HSPG2: variants seen among roughly 807,000 people sequenced by gnomAD.
The protein encoded by HSPG2 is basement membrane-specific heparan sulfate proteoglycan core protein.
A neutral mutation model predicts 526.6 loss-of-function variants in HSPG2; 278 were observed. That is an observed-to-expected ratio of 0.53 (90% CI 0.48 to 0.58). HSPG2 has a LOEUF of 0.58. HSPG2 is among the 20% of genes least tolerant of loss of function. The pLI is 0.00. For synonymous variants in HSPG2, 2,465 were observed against 2,555.4 expected, an observed-to-expected ratio of 0.96 and a Z score of 1.07; for missense variants, 5,354 against 6,099.5, an observed-to-expected ratio of 0.88 and a Z score of 4.07.
In HSPG2 at chr1:21,824,012, G is replaced by T. The variant is rs961812657; in HGVS notation, c.12899+109C>A. On this transcript the variant is annotated intron_variant, in intron 95 of 96. Transcript: ENST00000374695. The surrounding 1 kb of genome is among the most constrained non-coding windows in gnomAD (Gnocchi z 5.9). Reference sequence around the variant, plus strand: ...GGGTTCTCCCCTCCCCTGGCTTCAAGTTCTGTCTCCACAGAGCTCAATACC... The same window carrying T: ...GGGTTCTCCCCTCCCCTGGCTTCAATTTCTGTCTCCACAGAGCTCAATACC... 14 of 1,134,468 alleles carry T rather than the reference G, an allele frequency of 1.2e-5. No individual in the cohort carries two copies. The highest frequency in any genetic ancestry group is 1.8e-5 in the Non-Finnish European group (14 of 770,440). The allele number at this position is 1,134,468 out of a possible 1,614,324, so 70.3% of individuals were successfully genotyped here.
In HSPG2 at chr1:21,848,967, C is replaced by T. The variant is rs62642517; in HGVS notation, c.7511G>A (p.Arg2504His). ...TPADSGEYVC[R>H]VVGSSGTQEA... ...CTGGGTACCTGAGCTGCCGACCACA[C>T]GGCACACGTACTCCCCTGAATCAGC... Residue 2504 changes from arginine (R) to histidine (H), a missense_variant, in exon 58 of 97, where the codon CGT becomes CAT. Physicochemically the swap from Arg to His is conservative, Grantham distance 29. Coordinates refer to ENST00000374695, the MANE Select transcript of HSPG2 (RefSeq NM_005529.7). This position sits in a 1 kb window ranked among gnomAD's most constrained non-coding sequence, Gnocchi z 4.9. 5.9e-4 allele frequency: 953 copies of T among 1,614,010 alleles called. 5 individuals carry two copies. In the African/African-American group the frequency reaches 8.6e-3, roughly 15 times the overall value.
intron 1 of HSPG2, among the ~76,000 whole-genome samples, chr1:21,921,053 T>TA (rs1644025436): frequency 6.6e-6 from 1 of 152,194 alleles, no homozygotes; most frequent in Non-Finnish European, 1.5e-5. Context: ...ATAACAGTAA[T>TA]ATAACAATTG....
rs1444575056 is a variant in HSPG2 at position 21,895,680 on chromosome 1, CTGCCCAGTGCCCTGATACCTG to C, written c.244+221_244+241del. ...AGTCCCCAGCAGAACTGGGCTTTAC[CTGCCCAGTGCCCTGATACCTG>C]TGCCTGTGGCATGGGCAAGCACAGG... On this transcript the variant is annotated intron_variant, in intron 3 of 96. Transcript: ENST00000374695. The surrounding 1 kb of genome is among the most constrained non-coding windows in gnomAD (Gnocchi z 4.1). 6.6e-6 allele frequency among the ~76,000 whole-genome samples: 1 copy of C among 152,222 alleles called. No homozygotes were observed.
intron 1 of HSPG2, among the ~76,000 whole-genome samples, chr1:21,923,373 C>T (rs12082009): frequency 0.012 from 1,866 of 152,042 alleles, 35 homozygotes; most frequent in African/African-American, 0.039. Flanking sequence ...GCCATTGCAC[C>T]CCAGCCTGGG....
At chr1:21,926,821 A>G (rs905187256) in intron 1 of HSPG2, among the ~76,000 whole-genome samples, 3 of 150,092 alleles carry the variant, frequency 2.0e-5, no homozygotes, top group Admixed American at 6.6e-5. Context: ...AGAGGCCACT[A>G]GGGCTGGGAT....
chr1:21,859,532 G>T lies in HSPG2; in HGVS notation c.5293+34C>A. 6.7e-7 allele frequency: 1 copy of T among 1,487,386 alleles called. No individual in the cohort carries two copies. The highest frequency in any genetic ancestry group is 1.2e-5 in the South Asian group (1 of 83,068). 92.1% of individuals were successfully genotyped at this position (1,487,386 alleles called of 1,614,324 possible). ...GCAGCCTGCAGCCCAGCCCAGGACA[G>T]GCAGTCTTGGTTACAGGGGGCGTAG... On this transcript the variant is annotated intron_variant, in intron 42 of 96. Transcript: ENST00000374695. The surrounding 1 kb of genome is among the most constrained non-coding windows in gnomAD (Gnocchi z 5.3).
intron 33 of HSPG2, among the ~76,000 whole-genome samples, chr1:21,867,303 C>T (rs1397526178): frequency 6.6e-6 from 1 of 151,892 alleles, no homozygotes; most frequent in African/African-American, 2.4e-5. Flanking sequence ...TTAAGCTGGT[C>T]TCAACTCCTG....
rs1355663173 is a variant in HSPG2, at chr1:21,832,403, A to G, written c.11207+92T>C. On this transcript the variant is annotated intron_variant, in intron 81 of 96. Transcript: ENST00000374695. ...CGGCCACATTTTCTCCTTCCTCCAG[A>G]TCTCCTTTGTATAATGGAGCCCAGG... The G allele has an allele frequency of 2.9e-6, 3 of 1,040,400 alleles. No individual in the cohort carries two copies. In the African/African-American group the frequency reaches 4.7e-5, roughly 16 times the overall value. The allele number at this position is 1,040,400 out of a possible 1,614,324, so 64.4% of individuals were successfully genotyped here. A position where few individuals can be genotyped will look rare whatever the true frequency, so the allele number is the denominator to read the frequency against.
In HSPG2 at chr1:21,870,732, A is replaced by G. The variant is rs1019625774; in HGVS notation, c.4221+1454T>C. The G allele has an allele frequency of 1.4e-5, 9 of 658,592 alleles. No homozygotes were observed. In the Admixed American group the frequency reaches 3.8e-4, roughly 28 times the overall value. The allele number at this position is 658,592 out of a possible 1,614,324, so 40.8% of individuals were successfully genotyped here. On this transcript the variant is annotated intron_variant, in intron 33 of 96. Transcript: ENST00000374695. ...CCGCCTGGATTCATGCAGACCCCCA[A>G]TGCCTTGGGCACTGCGCATCTCCCC...
chr1:21,926,777 AAAAAAAAAAAAG>A (rs1239157554), intron 1 of HSPG2, among the ~76,000 whole-genome samples: 4 of 146,738 alleles, frequency 2.7e-5, no homozygotes, highest in South Asian at 2.1e-4. Flanking sequence ...AAAAAAAAAA[AAAAAAAAAAAAG>A]AGAGAAAGAA....
At chr1:21,896,759 G>A (rs1210605899) in intron 1 of HSPG2, among the ~76,000 whole-genome samples, 2 of 152,104 alleles carry the variant, frequency 1.3e-5, no homozygotes, top group Non-Finnish European at 2.9e-5. Flanking sequence ...GAAGTCAAGG[G>A]CGAGCTGCTC....
At chr1:21,908,722 C>T (rs1643510551) in intron 1 of HSPG2, 3 of 506,370 alleles carry the variant, frequency 5.9e-6, no homozygotes, top group African/African-American at 5.9e-5. Context: ...GACCCCAAAG[C>T]TTCCTCTGGT....
intron 53 of HSPG2, 30 bp downstream of exon 53, chr1:21,852,052 TCCATGG>T: frequency 6.2e-7 from 1 of 1,612,262 alleles, no homozygotes; most frequent in East Asian, 2.2e-5. Context: ...CAACCCACTG[TCCATGG>T]CCCCGTCCCA....
chr1:21,925,141 C>A (rs1485371672), intron 1 of HSPG2, among the ~76,000 whole-genome samples: 1 of 152,232 alleles, frequency 6.6e-6, no homozygotes, highest in Non-Finnish European at 1.5e-5. Context: ...AGCTACTTCT[C>A]ATCTGGGAAA....
chr1:21,843,690 A>G (rs1349752932), intron 65 of HSPG2, among the ~76,000 whole-genome samples: 1 of 151,950 alleles, frequency 6.6e-6, no homozygotes, highest in African/African-American at 2.4e-5. Context: ...TCTGTCATCC[A>G]GGCTGGAGTG....
Position 21,884,594 on chromosome 1 carries a change from A to G in HSPG2, c.1588T>C (p.Cys530Arg). 1 of 1,610,664 alleles carries G rather than the reference A, an allele frequency of 6.2e-7. No homozygotes were observed. The highest frequency in any genetic ancestry group is 8.5e-7 in the Non-Finnish European group (1 of 1,179,762). ...TCCCGGAAGCGGCGGGTGCTCTGGC[A>G]CACGCTGGTGATGCCAAAGCAGAAG... ...PCFCFGITSV[C>R]QSTRRFRDQI... The change falls in exon 13 of 97, where the codon TGC (cysteine) becomes CGC (arginine). Residue 530 changes from cysteine (C) to arginine (R), a missense_variant. By Grantham distance (180) the Cys-to-Arg change is radical. Coordinates refer to ENST00000374695, the MANE Select transcript of HSPG2 (RefSeq NM_005529.7).
intron 1 of HSPG2, among the ~76,000 whole-genome samples, chr1:21,908,887 A>G (rs1435943598): frequency 6.6e-6 from 1 of 152,226 alleles, no homozygotes; most frequent in Admixed American, 6.5e-5. Flanking sequence ...GCACTTTGGG[A>G]CTGGTGGTCA....
intron 45 of HSPG2, 56 bp from the exon 46 acceptor site, chr1:21,855,731 C>T (rs535665079): frequency 2.5e-6 from 4 of 1,604,556 alleles, no homozygotes; most frequent in African/African-American, 2.7e-5. Context: ...TCCTGCCCCT[C>T]CCCTCCCACA....
chr1:21,839,460 CG>C lies in HSPG2; in HGVS notation c.9799del (p.Arg3267GlyfsTer2), dbSNP rs1557692503. 1 of 1,614,034 alleles carries C rather than the reference CG, an allele frequency of 6.2e-7. No individual in the cohort carries two copies. Among genetic ancestry groups the C allele is most frequent in the East Asian group, 2.2e-5 (1 of 44,872 alleles). ...CTGGCCCGAGTCCTGCTGGGCTACC[CG>C]GGGTATGATGAGTGTGTCACCTTCC... ...RLEGDTLIIPRVAQQDSGQYI... is the reference protein window; with the variant it reads ...RLEGDTLIIPXVAQQDSGQYI... On this transcript the variant is annotated frameshift_variant, in exon 73 of 97. Transcript: ENST00000374695. LOFTEE classifies it high-confidence loss of function. This position sits in a 1 kb window ranked among gnomAD's most constrained non-coding sequence, Gnocchi z 4.5.
Sources: allele counts gnomAD v4.1 joint callset (sites outside exome capture counted in the v4.1 genomes callset), GRCh38; gene constraint gnomAD v4.1.1; non-coding constraint Gnocchi (gnomAD v3.1); transcripts MANE v1.5; gene names NCBI Gene and HGNC (gene_info 2026-07-23, HGNC 2026-07-21).